Variants in VTI1B observed in about 807,000 individuals in gnomAD.
The protein encoded by VTI1B is vesicle transport through interaction with t-SNAREs homolog 1B.
VTI1B carries 18 observed loss-of-function variants against 28.6 expected under a neutral mutation model. The observed-to-expected ratio is 0.63, with a 90% CI of 0.43 to 0.93. VTI1B has a LOEUF of 0.93. VTI1B is among the 40% of genes least tolerant of loss of function. VTI1B has a pLI of 0.00. For synonymous variants in VTI1B, 100 were observed against 107.9 expected (o/e 0.93, Z 0.46); for missense variants, 283 against 297.0 (o/e 0.95, Z 0.35).
intron 1 of VTI1B, among the ~76,000 whole-genome samples, chr14:67,671,275 T>G (rs557520612): frequency 7.2e-4 from 109 of 152,220 alleles, no homozygotes; most frequent in African/African-American, 2.6e-3. Flanking sequence ...CCTGTAATCC[T>G]AGCACTTTGG....
intron 4 of VTI1B, among the ~76,000 whole-genome samples, chr14:67,654,826 G>A (rs905591877): frequency 7.3e-5 from 11 of 151,678 alleles, no homozygotes; most frequent in Non-Finnish European, 1.5e-4. Flanking sequence ...TTAAGAGATC[G>A]AGACCATCCT....
At chr14:67,653,399 T>C (rs749376251) in intron 5 of VTI1B, 38 bp downstream of exon 5, 2 of 1,592,370 alleles carry the variant, frequency 1.3e-6, no homozygotes, top group Non-Finnish European at 1.7e-6. Flanking sequence ...TGAAAGCCAC[T>C]GAGTTAAGAG....
chr14:67,663,489 C>T (rs2037364531), intron 1 of VTI1B, among the ~76,000 whole-genome samples: 1 of 151,830 alleles, frequency 6.6e-6, no homozygotes, highest in South Asian at 2.1e-4. Context: ...CTGCCTAACA[C>T]GGTGAAACCC....
At chr14:67,662,371 T>C in intron 2 of VTI1B, 106 bp downstream of exon 2, 1 of 1,052,486 alleles carries the variant, frequency 9.5e-7, no homozygotes, top group Non-Finnish European at 1.4e-6. Flanking sequence ...ATAGTCAAAA[T>C]CAAGATCAAT....
chr14:67,652,998 C>T (rs1446116212), intron 5 of VTI1B, among the ~76,000 whole-genome samples: 2 of 152,108 alleles, frequency 1.3e-5, no homozygotes, highest in Admixed American at 6.5e-5. Context: ...ACCATTTGAG[C>T]CAGACTGGTC....
chr14:67,669,053 C>T (rs1259109155), intron 1 of VTI1B, among the ~76,000 whole-genome samples: 1 of 152,064 alleles, frequency 6.6e-6, no homozygotes, highest in African/African-American at 2.4e-5. Flanking sequence ...ATTCTAAGGA[C>T]TTTACATATA....
At chr14:67,667,268 C>T (rs2037412605) in intron 1 of VTI1B, among the ~76,000 whole-genome samples, 1 of 152,182 alleles carries the variant, frequency 6.6e-6, no homozygotes, top group Non-Finnish European at 1.5e-5. Context: ...CTAATCTTGG[C>T]CCTTTAAAGT....
intron 3 of VTI1B, among the ~76,000 whole-genome samples, chr14:67,659,473 T>G (rs1175912253): frequency 6.8e-6 from 1 of 147,502 alleles, no homozygotes; most frequent in African/African-American, 2.5e-5. Flanking sequence ...AAAGCACTGT[T>G]TTTTTTTTAT....
At chr14:67,663,116 A>T in intron 1 of VTI1B, 2 of 1,524,296 alleles carry the variant, frequency 1.3e-6, no homozygotes, top group South Asian at 1.2e-5. Context: ...AACGTTATTC[A>T]TTCCCCTTTC....
Position 67,650,834 on chromosome 14 carries a change from A to C in VTI1B, c.*551T>G, listed in dbSNP as rs185767649. 5.2e-5 allele frequency: 84 copies of C among 1,614,202 alleles called. No homozygotes were observed. The highest frequency in any genetic ancestry group is 6.7e-5 in the Non-Finnish European group (79 of 1,180,022). ...GATTGCTTCAAGCTTTGGTCAGACA[A>C]GAGAAGGAGGGCATATTGTCTATGA... On this transcript the variant is annotated 3_prime_UTR_variant, in exon 6 of 6. Coordinates refer to ENST00000554659, the MANE Select transcript of VTI1B (RefSeq NM_006370.3).
intron 1 of VTI1B, 69 bp from the exon 2 acceptor site, chr14:67,662,604 G>T: frequency 2.1e-6 from 3 of 1,400,866 alleles, no homozygotes; most frequent in African/African-American, 1.4e-5. Flanking sequence ...CATTCCCTCT[G>T]CTTCGAATAA....
intron 1 of VTI1B, among the ~76,000 whole-genome samples, chr14:67,668,239 G>C (rs958591350): frequency 6.6e-6 from 1 of 152,210 alleles, no homozygotes. Flanking sequence ...ATTAGATTAA[G>C]AAATTATAGC....
chr14:67,659,271 A>G (rs1045718093), intron 3 of VTI1B, among the ~76,000 whole-genome samples: 5 of 152,332 alleles, frequency 3.3e-5, no homozygotes, highest in African/African-American at 1.2e-4. Flanking sequence ...ATTAAGGTAA[A>G]GGAAAGCTTG....
At chr14:67,663,186 C>A in intron 1 of VTI1B, 1 of 1,528,964 alleles carries the variant, frequency 6.5e-7, no homozygotes, top group Non-Finnish European at 8.8e-7. Flanking sequence ...AATTACTAAT[C>A]TCCCCTTTGA....
At chr14:67,671,836 G>A (rs1003603633) in intron 1 of VTI1B, among the ~76,000 whole-genome samples, 4 of 152,282 alleles carry the variant, frequency 2.6e-5, no homozygotes, top group African/African-American at 9.6e-5. Context: ...AAGCAAGAGA[G>A]GGCTGAACTA....
Position 67,650,647 on chromosome 14 carries a change from A to G in VTI1B, c.*738T>C. ...TACTTTGGCTTGTTCTCCCTGTCCCAGTGGGATGACCCTCACTGAGAGTAG... is the reference window on the plus strand; with the variant it reads ...TACTTTGGCTTGTTCTCCCTGTCCCGGTGGGATGACCCTCACTGAGAGTAG... On this transcript the variant is annotated 3_prime_UTR_variant, in exon 6 of 6. Coordinates refer to ENST00000554659, the MANE Select transcript of VTI1B (RefSeq NM_006370.3). The G allele has an allele frequency of 6.9e-7, 1 of 1,444,000 alleles. No individual in the cohort carries two copies. The highest frequency in any genetic ancestry group is 1.1e-5 in the South Asian group (1 of 87,256). The allele number at this position is 1,444,000 out of a possible 1,614,324, so 89.4% of individuals were successfully genotyped here. A position where few individuals can be genotyped will look rare whatever the true frequency, so the allele number is the denominator to read the frequency against.
At chr14:67,669,664 CA>C (rs1444772299) in intron 1 of VTI1B, among the ~76,000 whole-genome samples, 1 of 152,184 alleles carries the variant, frequency 6.6e-6, no homozygotes, top group African/African-American at 2.4e-5. Flanking sequence ...TTCTCATCCA[CA>C]ACCCAAACTC....
chr14:67,656,263 TA>T (rs2037256124), intron 4 of VTI1B, 152 bp downstream of exon 4: 1 of 728,428 alleles, frequency 1.4e-6, no homozygotes, highest in South Asian at 6.4e-5. Flanking sequence ...AAAAAAAAAT[TA>T]ATAAATAAAA....
intron 1 of VTI1B, among the ~76,000 whole-genome samples, chr14:67,667,649 T>TA (rs2037417341): frequency 6.6e-6 from 1 of 151,826 alleles, no homozygotes; most frequent in Non-Finnish European, 1.5e-5. Flanking sequence ...CAGTAGAAAA[T>TA]ATGAGGAGTT....
Sources: allele counts gnomAD v4.1 joint callset (sites outside exome capture counted in the v4.1 genomes callset), GRCh38; gene constraint gnomAD v4.1.1; transcripts MANE v1.5; gene names NCBI Gene and HGNC (gene_info 2026-07-23, HGNC 2026-07-21).